The following DACH2 variants were observed in gnomAD, a reference collection of about 807,000 sequenced individuals.
DACH2 encodes dachshund homolog 2.
Under a neutral mutation model 35.8 loss-of-function variants are expected in DACH2, and 17 were observed. That is an observed-to-expected ratio of 0.48 (90% CI 0.33 to 0.71). DACH2 has a LOEUF of 0.71. Among genes scored for constraint, DACH2 ranks in the 30% least tolerant of loss-of-function variants. DACH2 has a pLI of 0.02. For synonymous variants in DACH2, 195 were observed against 177.3 expected (o/e 1.10, Z -0.79); for missense variants, 469 against 472.7 (o/e 0.99, Z 0.07).
intron 3 of DACH2, among the ~76,000 whole-genome samples, chrX:86,560,594 G>T (rs867116960): frequency 2.1e-5 from 2 of 96,432 alleles, no homozygotes; most frequent in Non-Finnish European, 4.1e-5. Flanking sequence ...AAATAATGCC[G>T]CATATCTACA....
chrX:86,823,598 T>C (rs887041154), intron 11 of DACH2, among the ~76,000 whole-genome samples: 3 of 112,301 alleles, frequency 2.7e-5, no homozygotes, highest in Non-Finnish European at 5.6e-5. Context: ...AAACATTTCT[T>C]TCTTATCTTC....
At chrX:86,266,467 T>C (rs1478874084) in intron 1 of DACH2, among the ~76,000 whole-genome samples, 3 of 112,024 alleles carry the variant, frequency 2.7e-5, no homozygotes, top group Non-Finnish European at 5.6e-5. Flanking sequence ...ACTGCAAAAC[T>C]GACGTTCTAA....
In DACH2 at chrX:86,171,835, T is replaced by C. The variant is rs1241899169; in HGVS notation, c.488+22727T>C. On this transcript the variant is annotated intron_variant, in intron 1 of 11. Transcript: ENST00000373125. ...CTATGAGTGCTCACTTGATGTTTGG[T>C]TCTTATGAAGGTTTTTTTTCTGTGT... Among the ~76,000 whole-genome samples the C allele has an allele frequency of 2.7e-5, 3 of 111,980 alleles. No individual in the cohort carries two copies. In the Admixed American group the frequency reaches 2.8e-4, roughly 11 times the overall value.
At chrX:86,170,959 A>G (rs1273224562) in intron 1 of DACH2, among the ~76,000 whole-genome samples, 4 of 111,835 alleles carry the variant, frequency 3.6e-5, no homozygotes, top group Non-Finnish European at 1.9e-5. Flanking sequence ...ATAGCTAGGT[A>G]AGAGACAAAG....
intron 2 of DACH2, among the ~76,000 whole-genome samples, chrX:86,463,117 ATGAACATTCC>A (rs1195470327): frequency 1.8e-5 from 2 of 111,156 alleles, no homozygotes. Context: ...ATTCAATTCC[ATGAACATTCC>A]TGTTAATTAT....
intron 1 of DACH2, among the ~76,000 whole-genome samples, chrX:86,166,047 A>G (rs759302041): frequency 1.8e-5 from 2 of 111,517 alleles, no homozygotes; most frequent in South Asian, 7.4e-4. Context: ...ATTCCTCTGT[A>G]TATACATTTC....
chrX:86,691,599 A>C (rs2148441688), intron 4 of DACH2, among the ~76,000 whole-genome samples: 1 of 111,603 alleles, frequency 9.0e-6, no homozygotes, highest in African/African-American at 3.3e-5. Flanking sequence ...CTTGTGCATA[A>C]AAGAGTTACC....
intron 7 of DACH2, among the ~76,000 whole-genome samples, chrX:86,747,118 A>T (rs1181345311): frequency 8.1e-5 from 9 of 111,652 alleles, no homozygotes; most frequent in Non-Finnish European, 1.3e-4. Flanking sequence ...GTTTTAAAAT[A>T]AAGACATATG....
chrX:86,210,289 AT>A (rs902557164), intron 1 of DACH2, among the ~76,000 whole-genome samples: 1 of 111,723 alleles, frequency 9.0e-6, no homozygotes, highest in African/African-American at 3.2e-5. Context: ...TACTATCTCT[AT>A]TTTTTTGAAT....
At chrX:86,492,854 T>C (rs944431344) in intron 2 of DACH2, among the ~76,000 whole-genome samples, 3 of 112,124 alleles carry the variant, frequency 2.7e-5, no homozygotes, top group Non-Finnish European at 5.6e-5. Context: ...CAATCCACTG[T>C]TGATGGGCAC....
intron 2 of DACH2, among the ~76,000 whole-genome samples, chrX:86,503,087 T>A (rs1569422766): frequency 8.9e-6 from 1 of 112,198 alleles, no homozygotes; most frequent in Non-Finnish European, 1.9e-5. Flanking sequence ...ACACAATACA[T>A]ACATAGTCTC....
intron 3 of DACH2, among the ~76,000 whole-genome samples, chrX:86,549,900 T>C (rs1478476103): frequency 8.9e-6 from 1 of 111,940 alleles, no homozygotes; most frequent in Non-Finnish European, 1.9e-5. Context: ...AATCAATACT[T>C]ACATTTAATA....
intron 1 of DACH2, among the ~76,000 whole-genome samples, chrX:86,283,813 G>C (rs1199322546): frequency 2.8e-5 from 3 of 107,714 alleles, no homozygotes; most frequent in Non-Finnish European, 5.7e-5. Flanking sequence ...CATGGCAGTT[G>C]TATACCTATG....
chrX:86,552,375 G>GT (rs2039061666), intron 3 of DACH2, among the ~76,000 whole-genome samples: 1 of 111,365 alleles, frequency 9.0e-6, no homozygotes. Flanking sequence ...ATGTACCTCA[G>GT]TTTTTTCCCT....
intron 3 of DACH2, 103 bp from the exon 4 acceptor site, chrX:86,650,933 A>G (rs1862029946): frequency 1.1e-5 from 8 of 725,679 alleles, no homozygotes; most frequent in Non-Finnish European, 1.6e-5. Context: ...GTATCATGCA[A>G]TATTTTCATG....
At chrX:86,164,062 C>T (rs765178490) in intron 1 of DACH2, among the ~76,000 whole-genome samples, 1 of 111,570 alleles carries the variant, frequency 9.0e-6, no homozygotes, top group Admixed American at 9.5e-5. Flanking sequence ...TAAGTGTTCC[C>T]TTTTCTCCGC....
chrX:86,189,222 A>G (rs2031760617), intron 1 of DACH2, among the ~76,000 whole-genome samples: 3 of 112,047 alleles, frequency 2.7e-5, no homozygotes, highest in Admixed American at 1.9e-4. Flanking sequence ...GTGGGTAGTT[A>G]GTAGTCCTTA....
chrX:86,244,629 T>C (rs1367987662), intron 1 of DACH2, among the ~76,000 whole-genome samples: 2 of 111,608 alleles, frequency 1.8e-5, no homozygotes, highest in Non-Finnish European at 3.8e-5. Flanking sequence ...ATAACTCTAG[T>C]CTTGGGTTGG....
intron 7 of DACH2, chrX:86,798,595 A>G (rs2042261059): frequency 8.5e-6 from 1 of 117,290 alleles, no homozygotes; most frequent in Non-Finnish European, 1.8e-5. Flanking sequence ...TCAGGATGAT[A>G]AATCAGTTAT....
Sources: gnomAD v4.1 joint callset for allele counts (sites outside exome capture counted in the v4.1 genomes callset) on GRCh38, gnomAD v4.1.1 for gene constraint, MANE v1.5 for transcripts, NCBI Gene and HGNC (gene_info 2026-07-23, HGNC 2026-07-21) for gene names.